AKR1C4: variants seen among roughly 807,000 people sequenced by gnomAD.
AKR1C4 encodes the protein aldo-keto reductase family 1 member C4.
A neutral mutation model predicts 41.0 loss-of-function variants in AKR1C4; 44 were observed. That is an observed-to-expected ratio of 1.07 (90% confidence interval 0.84 to 1.38). The LOEUF is 1.38. Among genes scored for constraint, AKR1C4 ranks in the 40% most tolerant of loss-of-function variants. The pLI is 0.00. For missense variants in AKR1C4, 438 were observed against 387.9 expected (o/e 1.13, Z -1.09); for synonymous variants, 165 against 137.7 (o/e 1.20, Z -1.39).
chr10:5,206,340 G>A lies in AKR1C4; in HGVS notation c.513G>A (p.Arg171=). The A allele has an allele frequency of 6.2e-7, 1 of 1,614,040 alleles. No individual in the cohort carries two copies. The highest frequency in any genetic ancestry group is 8.5e-7 in the Non-Finnish European group (1 of 1,179,982). The change falls in exon 5 of 9, where the codon AGG becomes AGA. Residue 171 remains arginine, a synonymous_variant. Transcript: ENST00000263126. ...KSIGVSNFNC[R]QLEMILNKPG... ...TCGGGGTGTCAAACTTCAACTGCAG[G>A]CAGCTGGAGATGATCCTCAACAAGC...
intron 8 of AKR1C4, among the ~76,000 whole-genome samples, chr10:5,218,410 G>T (rs1832685242): frequency 6.6e-6 from 1 of 151,976 alleles, no homozygotes; most frequent in African/African-American, 2.4e-5. Flanking sequence ...TTGAGAATTT[G>T]AAATAGAAAA....
chr10:5,218,765 G>C lies in AKR1C4; in HGVS notation c.*5G>C. 1 of 1,604,060 alleles carries C rather than the reference G, an allele frequency of 6.2e-7. No individual in the cohort carries two copies. Among genetic ancestry groups the C allele is most frequent in the Middle Eastern group, 1.7e-4 (1 of 6,044 alleles). ...CCATTTTCAGATGAATATTAGCATA[G>C]AGGGTGTTGCACGACATCTAGCAGA... On this transcript the variant is annotated 3_prime_UTR_variant, in exon 9 of 9. Transcript: ENST00000263126.
At chr10:5,198,870 T>C (rs1554796605) in intron 1 of AKR1C4, among the ~76,000 whole-genome samples, 1 of 150,000 alleles carries the variant, frequency 6.7e-6, no homozygotes, top group Non-Finnish European at 1.5e-5. Context: ...GGCATTATCA[T>C]GCCTGTCTGT....
intron 2 of AKR1C4, 88 bp from the exon 3 acceptor site, chr10:5,204,289 G>A (rs1294049272): frequency 1.9e-6 from 2 of 1,046,534 alleles, no homozygotes; most frequent in South Asian, 1.5e-5. Flanking sequence ...GTTTGGAACG[G>A]TGAAAAATGT....
intron 2 of AKR1C4, chr10:5,202,575 T>G: frequency 2.5e-6 from 1 of 392,614 alleles, no homozygotes; most frequent in Non-Finnish European, 5.1e-6. Context: ...GGCATCCTTG[T>G]CTTATTCCAG....
intron 4 of AKR1C4, 128 bp downstream of exon 4, chr10:5,205,962 T>C: frequency 9.6e-7 from 1 of 1,044,348 alleles, no homozygotes; most frequent in Non-Finnish European, 1.4e-6. Context: ...ACAAAGGAAG[T>C]TTTGCTGAGT....
At chr10:5,198,169 AC>A (rs1832339824) in intron 1 of AKR1C4, among the ~76,000 whole-genome samples, 1 of 152,166 alleles carries the variant, frequency 6.6e-6, no homozygotes. Flanking sequence ...AGCGTACCTT[AC>A]TAATCTCTCA....
intron 2 of AKR1C4, among the ~76,000 whole-genome samples, chr10:5,200,730 C>G (rs1170696149): frequency 1.3e-5 from 2 of 152,164 alleles, no homozygotes; most frequent in African/African-American, 4.8e-5. Context: ...ATCGTACTCA[C>G]TATGTAGGCT....
chr10:5,206,086 T>C (rs1348547029), intron 4 of AKR1C4, among the ~76,000 whole-genome samples, 189 bp from the exon 5 acceptor site: 6 of 152,208 alleles, frequency 3.9e-5, no homozygotes, highest in African/African-American at 1.4e-4. Flanking sequence ...TCCAGCTTCC[T>C]AAAGAGGATA....
rs1354517602 is a variant in AKR1C4 at position 5,204,625 on chromosome 10, A to T, written c.369+132A>T. On this transcript the variant is annotated intron_variant, in intron 3 of 8. Transcript: ENST00000263126. Reference sequence around the variant, plus strand: ...AGAAGAGTCCTAAGTATAATGCCTAAGCCATTTTCTTGAAGAGTACAACCT... The same window carrying T: ...AGAAGAGTCCTAAGTATAATGCCTATGCCATTTTCTTGAAGAGTACAACCT... 4 of 794,748 alleles carry T rather than the reference A, an allele frequency of 5.0e-6. No individual in the cohort carries two copies. The Admixed American group carries it at 6.8e-5, about 14-fold the overall frequency. 49.2% of individuals were successfully genotyped at this position (794,748 alleles called of 1,614,324 possible).
At position 5,213,230 on chromosome 10, in the gene AKR1C4, A is replaced by C. The variant is rs533646356; in HGVS notation, c.846+71A>C. On this transcript the variant is annotated intron_variant, in intron 7 of 8. Transcript: ENST00000263126. ...CACGTGTGCTTCTTGTAAGGTTCTC[A>C]GGACACCCTTGGACTAAGTCCACTT... The C allele has an allele frequency of 6.9e-6, 11 of 1,586,566 alleles. No individual in the cohort carries two copies. The Admixed American group carries it at 1.2e-4, about 17-fold the overall frequency.
Position 5,205,551 on chromosome 10 carries a change from T to C in AKR1C4, c.370-206T>C, listed in dbSNP as rs191270011. 2.0e-3 allele frequency among the ~76,000 whole-genome samples: 309 copies of C among 152,296 alleles called. 3 individuals are homozygous for C. The highest frequency in any genetic ancestry group is 2.7e-3 in the Non-Finnish European group (182 of 68,028). The stretch of plus-strand genomic sequence containing the variant: ...AAAACCTGTAAAATGGTTATTAATA[T>C]ATATAATGGAAGTAGGAGATTAAAG... On this transcript the variant is annotated intron_variant, in intron 3 of 8. Transcript: ENST00000263126.
chr10:5,198,570 CTA>C (rs1420213921), intron 1 of AKR1C4, among the ~76,000 whole-genome samples: 13 of 152,158 alleles, frequency 8.5e-5, no homozygotes, highest in African/African-American at 3.1e-4. Flanking sequence ...AACATTTCCC[CTA>C]TGTTGCCAAA....
At chr10:5,205,034 T>TAGAA (rs1832463595) in intron 3 of AKR1C4, among the ~76,000 whole-genome samples, 1 of 152,232 alleles carries the variant, frequency 6.6e-6, no homozygotes, top group Non-Finnish European at 1.5e-5. Flanking sequence ...GCATAACTTT[T>TAGAA]AAATTTATAG....
intron 8 of AKR1C4, 68 bp downstream of exon 8, chr10:5,216,861 A>C (rs973061093): frequency 2.7e-6 from 3 of 1,118,816 alleles, no homozygotes; most frequent in Non-Finnish European, 4.0e-6. Context: ...GGGTGTTGAA[A>C]GTGACCTCAA....
chr10:5,198,572 A>G (rs150767079), intron 1 of AKR1C4, among the ~76,000 whole-genome samples: 214 of 152,222 alleles, frequency 1.4e-3, no homozygotes, highest in African/African-American at 4.6e-3. Flanking sequence ...CATTTCCCCT[A>G]TGTTGCCAAA....
At chr10:5,207,758 C>A (rs879995688) in intron 5 of AKR1C4, 5 of 416,090 alleles carry the variant, frequency 1.2e-5, no homozygotes, top group Non-Finnish European at 2.3e-5. Flanking sequence ...AATATGATAC[C>A]TTTTCTATAT....
chr10:5,203,787 C>T (rs1340838050), intron 2 of AKR1C4, among the ~76,000 whole-genome samples: 7 of 152,156 alleles, frequency 4.6e-5, no homozygotes, highest in Admixed American at 3.9e-4. Flanking sequence ...AAACTCAGAC[C>T]AGGATGGTTT....
intron 7 of AKR1C4, among the ~76,000 whole-genome samples, chr10:5,215,834 C>T (rs78686304): frequency 0.11 from 17,164 of 152,212 alleles, 1,181 homozygotes; most frequent in Admixed American, 0.17. Flanking sequence ...TTCCAGACTA[C>T]CCCTTATCTT....
Sources: gnomAD v4.1 joint callset for allele counts (sites outside exome capture counted in the v4.1 genomes callset) on GRCh38, gnomAD v4.1.1 for gene constraint, MANE v1.5 for transcripts, NCBI Gene and HGNC (gene_info 2026-07-23, HGNC 2026-07-21) for gene names.